The following POFUT3 variants were observed in gnomAD, a reference collection of about 807,000 sequenced individuals.
POFUT3 encodes protein O-fucosyltransferase 3.
chr8:33,408,405 G>T, the POFUT3 span, among the ~76,000 whole-genome samples: 1 of 151,958 alleles, frequency 6.6e-6, no homozygotes, highest in Non-Finnish European at 1.5e-5. Flanking sequence ...CAATTTGCCT[G>T]GGACCTGTCA....
At chr8:33,446,720 T>C in the POFUT3 span, among the ~76,000 whole-genome samples, 5 of 152,190 alleles carry the variant, frequency 3.3e-5, no homozygotes, top group African/African-American at 1.2e-4. Context: ...AGTACTCCTG[T>C]TCCCATGCAA....
chr8:33,463,982 T>C, the POFUT3 span, among the ~76,000 whole-genome samples: 25 of 152,122 alleles, frequency 1.6e-4, no homozygotes, highest in Non-Finnish European at 4.4e-5. Flanking sequence ...AGAGAAGGTC[T>C]CAAGTCTGCC....
chr8:33,469,803 C>CTTTTTTTTTTT, the POFUT3 span, among the ~76,000 whole-genome samples: 1 of 108,764 alleles, frequency 9.2e-6, no homozygotes, highest in Non-Finnish European at 1.7e-5. Context: ...TTTACTTTTT[C>CTTTTTTTTTTT]TTTTTTTTTT....
the POFUT3 span, among the ~76,000 whole-genome samples, chr8:33,463,440 G>T: frequency 6.6e-6 from 1 of 152,054 alleles, no homozygotes. Flanking sequence ...GGGAGGCAGA[G>T]GTTGCAGTGA....
the POFUT3 span, among the ~76,000 whole-genome samples, chr8:33,327,291 T>G: frequency 7.9e-5 from 12 of 152,196 alleles, no homozygotes; most frequent in Non-Finnish European, 1.6e-4. Context: ...AAAGTCATTG[T>G]GACACACTGT....
At chr8:33,318,704 A>C in the POFUT3 span, among the ~76,000 whole-genome samples, 1 of 83,640 alleles carries the variant, frequency 1.2e-5, no homozygotes, top group African/African-American at 4.8e-5. Context: ...ATATTTATAT[A>C]ATATATAAAT....
At chr8:33,331,185 A>G in the POFUT3 span, among the ~76,000 whole-genome samples, 2 of 142,378 alleles carry the variant, frequency 1.4e-5, no homozygotes, top group African/African-American at 2.7e-5. Flanking sequence ...TAATAAAAAT[A>G]CAAAAAATTA....
chr8:33,412,557 G>C, the POFUT3 span, among the ~76,000 whole-genome samples: 3 of 152,158 alleles, frequency 2.0e-5, no homozygotes, highest in Non-Finnish European at 4.4e-5. Flanking sequence ...CTAACTACTA[G>C]GAAGTACTCT....
At chr8:33,345,398 C>CTTT in the POFUT3 span, among the ~76,000 whole-genome samples, 6 of 122,470 alleles carry the variant, frequency 4.9e-5, no homozygotes, top group Admixed American at 8.4e-5. Flanking sequence ...GTATATTTTA[C>CTTT]TTTTTTTTTT....
At chr8:33,390,184 T>C in the POFUT3 span, among the ~76,000 whole-genome samples, 1 of 150,350 alleles carries the variant, frequency 6.7e-6, no homozygotes, top group East Asian at 1.9e-4. Context: ...TGTCTCAAAA[T>C]ATATGTGTGT....
the POFUT3 span, chr8:33,453,102 G>C: frequency 1.0e-6 from 1 of 980,030 alleles, no homozygotes; most frequent in Non-Finnish European, 1.6e-6. Flanking sequence ...GGAAATCAGG[G>C]GTGTCAAAGT....
chr8:33,408,595 T>C, the POFUT3 span, among the ~76,000 whole-genome samples: 4 of 152,226 alleles, frequency 2.6e-5, no homozygotes, highest in Admixed American at 1.3e-4. Context: ...TTCCATGTCA[T>C]ATAAGTGTGC....
chr8:33,316,273 T>TA, the POFUT3 span, among the ~76,000 whole-genome samples: 4 of 152,080 alleles, frequency 2.6e-5, no homozygotes, highest in African/African-American at 9.7e-5. Context: ...TAAGATTCTC[T>TA]ATGCAAGGCC....
the POFUT3 span, chr8:33,372,274 G>C: frequency 2.7e-6 from 3 of 1,097,412 alleles, no homozygotes; most frequent in Middle Eastern, 4.1e-4. Context: ...ATTGCACAAG[G>C]AAAGTACTCA....
chr8:33,352,073 T>C, the POFUT3 span, among the ~76,000 whole-genome samples: 1 of 152,170 alleles, frequency 6.6e-6, no homozygotes, highest in Non-Finnish European at 1.5e-5. Flanking sequence ...GTTGAACGGC[T>C]CTGTCAATGG....
the POFUT3 span, among the ~76,000 whole-genome samples, chr8:33,419,376 C>T: frequency 1.3e-5 from 2 of 152,176 alleles, no homozygotes; most frequent in African/African-American, 4.8e-5. Context: ...TAAAACTGTT[C>T]CACCTTAGAT....
At chr8:33,444,057 A>G in the POFUT3 span, among the ~76,000 whole-genome samples, 1 of 151,848 alleles carries the variant, frequency 6.6e-6, no homozygotes, top group Non-Finnish European at 1.5e-5. Flanking sequence ...ATAGCAATGA[A>G]CAAAGCAAAG....
At chr8:33,445,397 G>GA in the POFUT3 span, among the ~76,000 whole-genome samples, 2,504 of 152,146 alleles carry the variant, frequency 0.016, 32 homozygotes, top group South Asian at 0.054. Context: ...AACCTCTGGA[G>GA]AAAAAAACTA....
chr8:33,403,553 A>C, the POFUT3 span, among the ~76,000 whole-genome samples: 1 of 151,936 alleles, frequency 6.6e-6, no homozygotes, highest in Non-Finnish European at 1.5e-5. Context: ...CTGTCTCTAC[A>C]AAAAAATTTT....
Sources: allele counts gnomAD v4.1 joint callset (sites outside exome capture counted in the v4.1 genomes callset), GRCh38; gene constraint gnomAD v4.1.1; transcripts MANE v1.5; gene names NCBI Gene and HGNC (gene_info 2026-07-23, HGNC 2026-07-21).